Variants in ARB2A observed in about 807,000 individuals in gnomAD.
The protein encoded by ARB2A is cotranscriptional regulator ARB2A.
chr5:93,627,243 G>A, the ARB2A span, among the ~76,000 whole-genome samples: 257 of 152,082 alleles, frequency 1.7e-3, 2 homozygotes, highest in Middle Eastern at 0.01. Flanking sequence ...CCTCAAAGAC[G>A]TTCATCCATG....
At chr5:93,688,613 C>T in the ARB2A span, among the ~76,000 whole-genome samples, 1 of 152,074 alleles carries the variant, frequency 6.6e-6, no homozygotes, top group African/African-American at 2.4e-5. Flanking sequence ...AATAATCTCT[C>T]TCCCGAGCCT....
the ARB2A span, among the ~76,000 whole-genome samples, chr5:93,658,419 A>G: frequency 6.6e-6 from 1 of 152,146 alleles, no homozygotes; most frequent in African/African-American, 2.4e-5. Context: ...GATATAAAAA[A>G]TGGGTTGAAG....
the ARB2A span, among the ~76,000 whole-genome samples, chr5:94,059,545 C>T: frequency 7.1e-4 from 93 of 130,946 alleles, 4 homozygotes; most frequent in East Asian, 0.021. Flanking sequence ...TGCTTGAACC[C>T]GGGAGGCAGA....
chr5:93,950,648 T>G, the ARB2A span, among the ~76,000 whole-genome samples: 1 of 140,358 alleles, frequency 7.1e-6, no homozygotes, highest in Non-Finnish European at 1.6e-5. Flanking sequence ...GTCTCAAAAA[T>G]AAAACAAATA....
At chr5:93,922,446 A>T in the ARB2A span, among the ~76,000 whole-genome samples, 1 of 151,564 alleles carries the variant, frequency 6.6e-6, no homozygotes, top group South Asian at 2.1e-4. Context: ...AGGCAGGCAG[A>T]TCACTTGAGG....
the ARB2A span, among the ~76,000 whole-genome samples, chr5:93,767,993 C>CAAAAAAAAA: frequency 4.8e-5 from 1 of 20,958 alleles, no homozygotes; most frequent in African/African-American, 1.0e-4. Context: ...GACTCCATCT[C>CAAAAAAAAA]AAAAAAAAAA....
chr5:93,630,801 C>T, the ARB2A span, among the ~76,000 whole-genome samples: 1 of 152,012 alleles, frequency 6.6e-6, no homozygotes. Flanking sequence ...TAGCCAGGCG[C>T]GATGGCATGC....
chr5:93,999,492 G>C, the ARB2A span, among the ~76,000 whole-genome samples: 1 of 151,938 alleles, frequency 6.6e-6, no homozygotes, highest in Non-Finnish European at 1.5e-5. Context: ...GTGCTGCCCA[G>C]AAAATGTTTC....
chr5:93,796,282 C>G, the ARB2A span, among the ~76,000 whole-genome samples: 1 of 152,046 alleles, frequency 6.6e-6, no homozygotes, highest in African/African-American at 2.4e-5. Flanking sequence ...AAATTTTTGC[C>G]TCTAGAAATT....
At chr5:93,759,296 C>T in the ARB2A span, among the ~76,000 whole-genome samples, 1 of 152,118 alleles carries the variant, frequency 6.6e-6, no homozygotes, top group East Asian at 1.9e-4. Flanking sequence ...GACAGACTTA[C>T]AGCAGAATTC....
chr5:93,646,931 T>G, the ARB2A span, among the ~76,000 whole-genome samples: 1 of 152,154 alleles, frequency 6.6e-6, no homozygotes, highest in Non-Finnish European at 1.5e-5. Flanking sequence ...TCAACAAATT[T>G]AAAAAACATT....
chr5:93,872,157 A>T, the ARB2A span, among the ~76,000 whole-genome samples: 2 of 151,950 alleles, frequency 1.3e-5, no homozygotes, highest in Non-Finnish European at 2.9e-5. Context: ...CATGTTGGCC[A>T]CGCTGGTCTT....
At chr5:93,819,855 G>T in the ARB2A span, among the ~76,000 whole-genome samples, 2 of 152,230 alleles carry the variant, frequency 1.3e-5, no homozygotes, top group Admixed American at 6.5e-5. Flanking sequence ...GCTGCCTGGA[G>T]GCCAGGGAGC....
the ARB2A span, among the ~76,000 whole-genome samples, chr5:93,810,963 C>T: frequency 6.6e-6 from 1 of 152,066 alleles, no homozygotes; most frequent in African/African-American, 2.4e-5. Flanking sequence ...AGTTACATCA[C>T]AGGGTTGTTA....
chr5:93,839,928 C>T, the ARB2A span, among the ~76,000 whole-genome samples: 1 of 152,010 alleles, frequency 6.6e-6, no homozygotes, highest in Non-Finnish European at 1.5e-5. Context: ...TTTTCATTAT[C>T]AGGCTAACTA....
At chr5:93,715,018 CA>C in the ARB2A span, among the ~76,000 whole-genome samples, 1 of 152,148 alleles carries the variant, frequency 6.6e-6, no homozygotes, top group African/African-American at 2.4e-5. Context: ...TATATATCCA[CA>C]ATATTCCATT....
At chr5:93,950,512 G>A in the ARB2A span, among the ~76,000 whole-genome samples, 2 of 152,062 alleles carry the variant, frequency 1.3e-5, no homozygotes, top group Non-Finnish European at 2.9e-5. Flanking sequence ...GCGTGGTGGT[G>A]CATACCTGTA....
At chr5:93,683,194 A>ATCTTCATCATCATCC in the ARB2A span, 1 of 1,301,488 alleles carries the variant, frequency 7.7e-7, no homozygotes, top group Non-Finnish European at 1.1e-6. Flanking sequence ...CATCATCATC[A>ATCTTCATCATCATCC]TCTTCATCAT....
At chr5:94,095,203 G>A in the ARB2A span, among the ~76,000 whole-genome samples, 1 of 152,122 alleles carries the variant, frequency 6.6e-6, no homozygotes, top group African/African-American at 2.4e-5. Context: ...TAGTATTTCT[G>A]GCATGGGCAG....
Sources: allele counts gnomAD v4.1 joint callset (sites outside exome capture counted in the v4.1 genomes callset), GRCh38; gene constraint gnomAD v4.1.1; transcripts MANE v1.5; gene names NCBI Gene and HGNC (gene_info 2026-07-23, HGNC 2026-07-21).